The following GRID2 variants were observed in gnomAD, a reference collection of about 807,000 sequenced individuals.
GRID2 encodes the protein glutamate receptor ionotropic, delta-2.
Under a neutral mutation model 114.8 loss-of-function variants are expected in GRID2, and 33 were observed. The observed-to-expected ratio is 0.29, with a 90% CI of 0.22 to 0.38. The LOEUF (loss-of-function observed/expected upper bound fraction) is 0.38, where lower values mean the gene tolerates loss of function less well. Ranked by LOEUF, GRID2 falls within the 10% of genes least tolerant of loss-of-function variation. GRID2 has a pLI of 1.00. For missense variants in GRID2, 1,184 were observed against 1,257.7 expected (o/e 0.94, Z 0.89); for synonymous variants, 505 against 449.9 (o/e 1.12, Z -1.55).
intron 1 of GRID2, among the ~76,000 whole-genome samples, chr4:92,542,713 A>T (rs1275541579): frequency 1.3e-5 from 2 of 152,070 alleles, no homozygotes; most frequent in Non-Finnish European, 1.5e-5. Flanking sequence ...ACCAAATCTC[A>T]GAAATCACCA....
intron 2 of GRID2, among the ~76,000 whole-genome samples, chr4:93,065,136 T>C (rs1331763239): frequency 6.6e-6 from 1 of 151,878 alleles, no homozygotes; most frequent in Non-Finnish European, 1.5e-5. Context: ...CTAGTAAATT[T>C]TGTTTGCATT....
At chr4:92,943,868 T>C (rs1195878120) in intron 2 of GRID2, among the ~76,000 whole-genome samples, 2 of 152,220 alleles carry the variant, frequency 1.3e-5, no homozygotes, top group African/African-American at 4.8e-5. Flanking sequence ...TGCCTGAGTA[T>C]CAGCAGCGGA....
chr4:93,363,711 C>T (rs1436676547), intron 8 of GRID2, among the ~76,000 whole-genome samples: 2 of 151,984 alleles, frequency 1.3e-5, no homozygotes, highest in African/African-American at 4.8e-5. Context: ...AATTAATATA[C>T]CTTAATTATG....
chr4:93,094,042 G>A lies in GRID2; in HGVS notation c.529+8763G>A, dbSNP rs532501159. ...ACTTTTTATTTTTTTAACTTTGATA[G>A]TTGAAGGAATATCTCTGTATGAATA... On this transcript the variant is annotated intron_variant, in intron 3 of 15. Coordinates refer to ENST00000282020, the MANE Select transcript of GRID2 (RefSeq NM_001510.4). 5.9e-5 allele frequency among the ~76,000 whole-genome samples: 9 copies of A among 151,984 alleles called. No homozygotes were observed. In the South Asian group the frequency reaches 8.3e-4, roughly 14 times the overall value.
At chr4:93,068,873 T>A (rs1728553015) in intron 2 of GRID2, among the ~76,000 whole-genome samples, 1 of 152,012 alleles carries the variant, frequency 6.6e-6, no homozygotes, top group Non-Finnish European at 1.5e-5. Flanking sequence ...GGGATTTAAT[T>A]GGCTCATGGT....
intron 1 of GRID2, among the ~76,000 whole-genome samples, chr4:92,336,950 T>C (rs1195985923): frequency 3.2e-5 from 3 of 93,878 alleles, no homozygotes; most frequent in East Asian, 3.7e-4. Context: ...GGTCTTTCGT[T>C]GTTGTTTTTT....
rs538108790 is a variant in GRID2, at chr4:93,087,116, C to T, written c.529+1837C>T. Reference sequence around the variant, plus strand: ...GTGTCACAATCTCGGCTCACTGCAACCTCCACCTCCTGGGTTCAAGAGAGT... The same window carrying T: ...GTGTCACAATCTCGGCTCACTGCAATCTCCACCTCCTGGGTTCAAGAGAGT... On this transcript the variant is annotated intron_variant, in intron 3 of 15. Transcript: ENST00000282020. Among the ~76,000 whole-genome samples, 3 of 151,972 alleles carry T rather than the reference C, an allele frequency of 2.0e-5. No homozygotes were observed. The South Asian group carries it at 6.2e-4, about 32-fold the overall frequency.
At chr4:93,095,967 G>T (rs2149334546) in intron 3 of GRID2, among the ~76,000 whole-genome samples, 1 of 152,040 alleles carries the variant, frequency 6.6e-6, no homozygotes, top group East Asian at 1.9e-4. Context: ...AAAAAGATTG[G>T]ATGAAATATT....
rs144672159 is a variant in GRID2 at position 92,752,659 on chromosome 4, G to A, written c.244+162373G>A. 7.2e-4 allele frequency among the ~76,000 whole-genome samples: 110 copies of A among 152,222 alleles called. 2 individuals carry two copies. The South Asian group carries it at 0.012, about 17-fold the overall frequency. ...ATTCCTCTGATAAATAGTACAGATCGTAATATGATACAGACTAGACTTTTT... is the reference window on the plus strand; with the variant it reads ...ATTCCTCTGATAAATAGTACAGATCATAATATGATACAGACTAGACTTTTT... On this transcript the variant is annotated intron_variant, in intron 2 of 15. Coordinates refer to ENST00000282020, the MANE Select transcript of GRID2 (RefSeq NM_001510.4).
At chr4:93,685,134 C>A (rs1005761204) in intron 14 of GRID2, among the ~76,000 whole-genome samples, 1 of 151,920 alleles carries the variant, frequency 6.6e-6, no homozygotes, top group Non-Finnish European at 1.5e-5. Context: ...AGGACTCTGC[C>A]CAAATAATCC....
intron 1 of GRID2, among the ~76,000 whole-genome samples, chr4:92,378,327 G>T (rs1487566985): frequency 6.6e-6 from 1 of 151,964 alleles, no homozygotes; most frequent in African/African-American, 2.4e-5. Context: ...TGTATATGTG[G>T]TTGTCATATA....
At chr4:93,021,756 T>C (rs1482713830) in intron 2 of GRID2, among the ~76,000 whole-genome samples, 11 of 146,120 alleles carry the variant, frequency 7.5e-5, no homozygotes, top group East Asian at 3.9e-4. Flanking sequence ...TTATTTATAA[T>C]ATGAATATTA....
intron 1 of GRID2, among the ~76,000 whole-genome samples, chr4:92,405,214 C>T (rs528955192): frequency 1.3e-5 from 2 of 152,168 alleles, no homozygotes; most frequent in South Asian, 4.2e-4. Context: ...TCCATCCATG[C>T]AAAGTGCAAA....
At chr4:93,553,846 A>G (rs1248839348) in intron 13 of GRID2, among the ~76,000 whole-genome samples, 1 of 152,202 alleles carries the variant, frequency 6.6e-6, no homozygotes, top group African/African-American at 2.4e-5. Flanking sequence ...CTAAGATGTT[A>G]ATCTTCTTAA....
At chr4:92,632,334 C>G (rs754028959) in intron 2 of GRID2, among the ~76,000 whole-genome samples, 1 of 151,940 alleles carries the variant, frequency 6.6e-6, no homozygotes, top group Non-Finnish European at 1.5e-5. Flanking sequence ...TTTTTATGCA[C>G]TTAGAAATTC....
chr4:92,556,716 A>G (rs1204360771), intron 1 of GRID2, among the ~76,000 whole-genome samples: 1 of 152,142 alleles, frequency 6.6e-6, no homozygotes, highest in Non-Finnish European at 1.5e-5. Context: ...AGTTTTTGAC[A>G]TCTGCTGGCT....
intron 1 of GRID2, among the ~76,000 whole-genome samples, chr4:92,411,903 C>A (rs1731353166): frequency 6.6e-6 from 1 of 151,670 alleles, no homozygotes; most frequent in Admixed American, 6.6e-5. Context: ...TACGGGGTTT[C>A]ACTGTGTTAG....
intron 1 of GRID2, among the ~76,000 whole-genome samples, chr4:92,353,693 T>C (rs1025509796): frequency 2.0e-5 from 3 of 152,010 alleles, no homozygotes; most frequent in African/African-American, 7.2e-5. Flanking sequence ...CCTTTCCAGA[T>C]TGGCTGTGTG....
At chr4:92,969,966 A>G (rs1161747894) in intron 2 of GRID2, among the ~76,000 whole-genome samples, 3 of 151,980 alleles carry the variant, frequency 2.0e-5, no homozygotes, top group African/African-American at 7.2e-5. Flanking sequence ...ATTCTCAGTC[A>G]GATTTTTTAA....
Sources: allele counts gnomAD v4.1 joint callset (sites outside exome capture counted in the v4.1 genomes callset), GRCh38; gene constraint gnomAD v4.1.1; transcripts MANE v1.5; gene names NCBI Gene and HGNC (gene_info 2026-07-23, HGNC 2026-07-21).